ZNRF3: variants seen among roughly 807,000 people sequenced by gnomAD.
ZNRF3 encodes zinc and ring finger 3.
Under a neutral mutation model 72.5 loss-of-function variants are expected in ZNRF3, and 23 were observed. The ratio of observed to expected loss-of-function variants is 0.32; its 90% CI spans 0.23 to 0.45. ZNRF3 has a LOEUF of 0.45. Among genes scored for constraint, ZNRF3 ranks in the 20% least tolerant of loss-of-function variants. The pLI is 1.00. For synonymous variants in ZNRF3, 610 were observed against 545.3 expected (o/e 1.12, Z -1.65); for missense variants, 1,169 against 1,272.1 (o/e 0.92, Z 1.23).
chr22:29,041,818 T>C (rs1214438678), intron 2 of ZNRF3, among the ~76,000 whole-genome samples: 1 of 152,186 alleles, frequency 6.6e-6, no homozygotes, highest in East Asian at 1.9e-4. Flanking sequence ...ATTAACCATT[T>C]TGAGACTCAT....
At chr22:29,002,687 A>G (rs1485804951) in intron 2 of ZNRF3, among the ~76,000 whole-genome samples, 1 of 152,162 alleles carries the variant, frequency 6.6e-6, no homozygotes, top group Non-Finnish European at 1.5e-5. Context: ...TCTTTGTGGG[A>G]TGGGTATCCT....
In ZNRF3 at chr22:29,021,965, A is replaced by C. The variant is rs149256946; in HGVS notation, c.427-20530A>C. Among the ~76,000 whole-genome samples the C allele has an allele frequency of 2.9e-3, 435 of 152,004 alleles. 5 individuals are homozygous for C. The highest frequency in any genetic ancestry group is 0.01 in the African/African-American group (416 of 41,450). ...TGAACATATATGTCACTCCCCCCAC[A>C]TTCCCTCAATTCCCCTTTAAAATCC... is the stretch of plus-strand genomic sequence containing the variant. On this transcript the variant is annotated intron_variant, in intron 2 of 8. Coordinates refer to ENST00000544604, the MANE Select transcript of ZNRF3 (RefSeq NM_001206998.2).
At chr22:28,889,327 C>T (rs1253758771) in intron 1 of ZNRF3, among the ~76,000 whole-genome samples, 1 of 152,194 alleles carries the variant, frequency 6.6e-6, no homozygotes, top group Non-Finnish European at 1.5e-5. Context: ...GCAGTTACAA[C>T]TTTGCCTCTT....
chr22:29,034,298 T>C (rs2036822340), intron 2 of ZNRF3, among the ~76,000 whole-genome samples: 2 of 152,344 alleles, frequency 1.3e-5, no homozygotes, highest in South Asian at 4.1e-4. Flanking sequence ...GTTTCCATAC[T>C]GATAACCATC....
chr22:28,937,511 G>A (rs904191528), intron 1 of ZNRF3, among the ~76,000 whole-genome samples: 1 of 152,066 alleles, frequency 6.6e-6, no homozygotes, highest in Admixed American at 6.5e-5. Context: ...CTATAAAAGT[G>A]GCACTTGTTA....
At chr22:28,915,844 C>T (rs538909892) in intron 1 of ZNRF3, among the ~76,000 whole-genome samples, 8 of 152,300 alleles carry the variant, frequency 5.3e-5, no homozygotes, top group African/African-American at 9.6e-5. Flanking sequence ...GACACACACA[C>T]GGGCACCGCC....
intron 1 of ZNRF3, among the ~76,000 whole-genome samples, chr22:28,957,432 A>C (rs1250046152): frequency 6.6e-6 from 1 of 151,958 alleles, no homozygotes; most frequent in Non-Finnish European, 1.5e-5. Context: ...TAATAATGAC[A>C]GTTTTTGTTT....
intron 1 of ZNRF3, among the ~76,000 whole-genome samples, chr22:28,946,728 G>A (rs2035058844): frequency 6.6e-6 from 1 of 152,222 alleles, no homozygotes; most frequent in African/African-American, 2.4e-5. Flanking sequence ...GAGCATCAGA[G>A]TGGGAGGAGG....
At chr22:29,047,270 C>T (rs1446809351) in intron 6 of ZNRF3, among the ~76,000 whole-genome samples, 1 of 152,140 alleles carries the variant, frequency 6.6e-6, no homozygotes, top group East Asian at 1.9e-4. Flanking sequence ...TAGAAAATTT[C>T]AGACCTTCAG....
At chr22:29,051,251 G>A (rs1011739852) in intron 8 of ZNRF3, among the ~76,000 whole-genome samples, 6 of 152,042 alleles carry the variant, frequency 3.9e-5, no homozygotes, top group Admixed American at 1.3e-4. Flanking sequence ...CAAAAACCTA[G>A]CACCAGCTGG....
intron 2 of ZNRF3, among the ~76,000 whole-genome samples, chr22:29,024,831 TG>T (rs2035608324): frequency 6.6e-6 from 1 of 152,120 alleles, no homozygotes; most frequent in Admixed American, 6.5e-5. Context: ...TAAACCATAG[TG>T]ACTGCTTGGA....
chr22:29,046,744 C>T lies in ZNRF3; in HGVS notation c.773C>T (p.Ala258Val). The stretch of plus-strand genomic sequence containing the variant: ...TCCATGAACAGGCTGGCTGTGCAGG[C>T]TCTAGAGAAGATGGAAACCAGAAAG... ...QNSMNRLAVQ[A>V]LEKMETRKFN... Residue 258 changes from alanine (A) to valine (V), a missense_variant, in exon 6 of 9, where the codon GCT becomes GTT. Ala to Val is a moderately conservative substitution (Grantham distance 64). Around this residue, in one of 2 missense-constraint regions of ZNRF3, gnomAD observed 386 missense variants for 540.7 expected, o/e 0.71. Transcript: ENST00000544604. 1.2e-6 allele frequency: 2 copies of T among 1,610,604 alleles called. No individual in the cohort carries two copies. The highest frequency in any genetic ancestry group is 1.3e-5 in the African/African-American group (1 of 74,970).
intron 1 of ZNRF3, among the ~76,000 whole-genome samples, chr22:28,929,925 T>C (rs1156755780): frequency 6.6e-6 from 1 of 152,224 alleles, no homozygotes; most frequent in South Asian, 2.1e-4. Context: ...AACCTCAGCC[T>C]TGATGTATCG....
chr22:29,052,204 T>C (rs2037219270), intron 8 of ZNRF3, among the ~76,000 whole-genome samples: 1 of 152,164 alleles, frequency 6.6e-6, no homozygotes, highest in African/African-American at 2.4e-5. Context: ...TGTATCTACT[T>C]CTCTGCACTC....
rs59317059 is a variant in ZNRF3 at position 28,991,279 on chromosome 22, C to CAAAAAAAA, written c.426+4103_426+4110dup. Among the ~76,000 whole-genome samples the CAAAAAAAA allele has an allele frequency of 1.4e-4, 7 of 51,676 alleles. 1 individual carries two copies. Among genetic ancestry groups the CAAAAAAAA allele is most frequent in the Non-Finnish European group, 1.9e-4 (6 of 31,960 alleles). 33.9% of individuals were successfully genotyped at this position (51,676 alleles called of 152,430 possible). On this transcript the variant is annotated intron_variant, in intron 2 of 8. Coordinates refer to ENST00000544604, the MANE Select transcript of ZNRF3 (RefSeq NM_001206998.2). ...CCTGGCCAACAGAGAGACCCTCTCTCAAAAAAAAAAAAAAAAAAAAAAAAA... is the reference window on the plus strand; with the variant it reads ...CCTGGCCAACAGAGAGACCCTCTCTCAAAAAAAAAAAAAAAAAAAAAAAAAAAAAAAAA...
At chr22:28,918,745 G>A (rs2034458709) in intron 1 of ZNRF3, among the ~76,000 whole-genome samples, 2 of 152,084 alleles carry the variant, frequency 1.3e-5, no homozygotes, top group South Asian at 2.1e-4. Context: ...TTTCCACTTC[G>A]TCCTAAAGTG....
chr22:28,895,065 G>T (rs1371231894), intron 1 of ZNRF3, among the ~76,000 whole-genome samples: 1 of 152,074 alleles, frequency 6.6e-6, no homozygotes, highest in Non-Finnish European at 1.5e-5. Flanking sequence ...ACTGTAGCTG[G>T]CCATCCTTTC....
At chr22:28,982,525 C>T (rs2035783559) in intron 1 of ZNRF3, among the ~76,000 whole-genome samples, 1 of 149,882 alleles carries the variant, frequency 6.7e-6, no homozygotes, top group Admixed American at 6.6e-5. Context: ...GTGATCACGC[C>T]ACTGCACTCT....
chr22:28,923,137 C>T lies in ZNRF3; in HGVS notation c.300+39071C>T, dbSNP rs529518545. On this transcript the variant is annotated intron_variant, in intron 1 of 8. Coordinates refer to ENST00000544604, the MANE Select transcript of ZNRF3 (RefSeq NM_001206998.2). ...GTTGATAAAATGAAGCAACCTGGGG[C>T]GCTTACTCCAGGGGCCATTTCTAAT... is the stretch of plus-strand genomic sequence containing the variant. Among the ~76,000 whole-genome samples, 72 of 152,212 alleles carry T rather than the reference C, an allele frequency of 4.7e-4. No individual in the cohort carries two copies. The East Asian group carries it at 4.8e-3, about 10-fold the overall frequency.
Sources: gnomAD v4.1 joint callset for allele counts (sites outside exome capture counted in the v4.1 genomes callset) on GRCh38, gnomAD v4.1.1 for gene constraint, gnomAD v4.1.1 regional missense constraint, MANE v1.5 for transcripts, NCBI Gene and HGNC (gene_info 2026-07-23, HGNC 2026-07-21) for gene names.